The following FAM163A variants were observed in gnomAD, a reference collection of about 807,000 sequenced individuals.
FAM163A encodes the protein protein FAM163A.
Under a neutral mutation model 12.0 loss-of-function variants are expected in FAM163A, and 7 were observed. That is an observed-to-expected ratio of 0.58 (90% confidence interval 0.33 to 1.10). The LOEUF (loss-of-function observed/expected upper bound fraction) is 1.10, where lower values mean the gene tolerates loss of function less well. FAM163A is among the 50% of genes least tolerant of loss of function. The probability of loss-of-function intolerance (pLI) is 0.03; values close to 1 mark genes in which losing one functional copy is unlikely to be tolerated. For missense variants in FAM163A, 202 were observed against 218.6 expected (o/e 0.92, Z 0.48); for synonymous variants, 101 against 91.0 (o/e 1.11, Z -0.62).
At chr1:179,783,588 G>T (rs886228537) in intron 1 of FAM163A, among the ~76,000 whole-genome samples, 2 of 151,302 alleles carry the variant, frequency 1.3e-5, no homozygotes, top group Non-Finnish European at 2.9e-5. Context: ...GAAAAGTGAG[G>T]TATGGAAAGG....
chr1:179,813,677 TTC>T, intron 4 of FAM163A, 100 bp from the exon 5 acceptor site: 1 of 1,361,258 alleles, frequency 7.3e-7, no homozygotes, highest in Non-Finnish European at 1.0e-6. Flanking sequence ...TGGCACTAGG[TTC>T]TCCATGGAGC....
intron 1 of FAM163A, among the ~76,000 whole-genome samples, chr1:179,776,749 G>A (rs900271775): frequency 6.6e-6 from 1 of 152,060 alleles, no homozygotes; most frequent in Admixed American, 6.5e-5. Context: ...TTAATGTATC[G>A]AAGTGAAATT....
chr1:179,743,705 G>A (rs1683990791), intron 1 of FAM163A, among the ~76,000 whole-genome samples: 1 of 152,188 alleles, frequency 6.6e-6, no homozygotes, highest in African/African-American at 2.4e-5. Flanking sequence ...GCGACTCGGG[G>A]GCATCTCCGG....
the FAM163A span, among the ~76,000 whole-genome samples, chr1:179,731,965 CA>C: frequency 6.6e-6 from 1 of 152,158 alleles, no homozygotes; most frequent in African/African-American, 2.4e-5. Context: ...ACTCTATCCC[CA>C]TGTGTAAAAT....
chr1:179,759,695 C>G (rs1443839559), intron 1 of FAM163A, among the ~76,000 whole-genome samples: 1 of 151,782 alleles, frequency 6.6e-6, no homozygotes, highest in Admixed American at 6.6e-5. Context: ...GAGACAGATT[C>G]TCACTCTGTC....
chr1:179,745,410 A>C (rs1684330517), intron 1 of FAM163A, among the ~76,000 whole-genome samples: 1 of 152,192 alleles, frequency 6.6e-6, no homozygotes, highest in African/African-American at 2.4e-5. Context: ...GCCTGAGTGC[A>C]AACATCAGCT....
the FAM163A span, among the ~76,000 whole-genome samples, chr1:179,730,667 A>C: frequency 1.3e-5 from 2 of 152,354 alleles, no homozygotes; most frequent in East Asian, 1.9e-4. Flanking sequence ...CAGAATCTAT[A>C]TATTTTTTGT....
At chr1:179,764,442 A>G (rs1687220958) in intron 1 of FAM163A, among the ~76,000 whole-genome samples, 1 of 152,208 alleles carries the variant, frequency 6.6e-6, no homozygotes. Context: ...CAGGTTGTGC[A>G]ACCTCTCATT....
At chr1:179,729,659 G>A in the FAM163A span, among the ~76,000 whole-genome samples, 1 of 152,152 alleles carries the variant, frequency 6.6e-6, no homozygotes, top group Non-Finnish European at 1.5e-5. Context: ...TAGCATTACT[G>A]CAATTGTCAT....
the FAM163A span, among the ~76,000 whole-genome samples, chr1:179,736,444 A>T: frequency 6.6e-6 from 1 of 152,314 alleles, no homozygotes; most frequent in East Asian, 1.9e-4. Flanking sequence ...CACACTAATC[A>T]TGGGAGAAAT....
intron 1 of FAM163A, 58 bp downstream of exon 1, chr1:179,743,481 G>GCT (rs1683942172): frequency 6.6e-6 from 1 of 151,994 alleles, no homozygotes. Context: ...GGCGGGGCGC[G>GCT]GGCGGGCTGA....
At chr1:179,746,413 T>C (rs1396209690) in intron 1 of FAM163A, among the ~76,000 whole-genome samples, 1 of 152,202 alleles carries the variant, frequency 6.6e-6, no homozygotes, top group Non-Finnish European at 1.5e-5. Flanking sequence ...TCCTATTCAT[T>C]CATGGAAAAA....
chr1:179,765,382 G>A (rs1248620128), intron 1 of FAM163A, among the ~76,000 whole-genome samples: 5 of 152,214 alleles, frequency 3.3e-5, no homozygotes, highest in Admixed American at 1.3e-4. Flanking sequence ...AGATACTGCC[G>A]GTTTGGGACC....
chr1:179,801,102 A>T lies in FAM163A; in HGVS notation c.-135-6696A>T, dbSNP rs80187236. 8.6e-3 allele frequency among the ~76,000 whole-genome samples: 1,309 copies of T among 152,134 alleles called. 12 individuals carry two copies. The highest frequency in any genetic ancestry group is 0.013 in the Non-Finnish European group (873 of 67,992). On this transcript the variant is annotated intron_variant, in intron 1 of 4. Transcript: ENST00000341785. ...TGTGAGTGTCTTCTGTATACTATGGATATGCACCCAGATAGGCACATCTGG... is the reference window on the plus strand; with the variant it reads ...TGTGAGTGTCTTCTGTATACTATGGTTATGCACCCAGATAGGCACATCTGG...
chr1:179,813,908 A>G lies in FAM163A; in HGVS notation c.223A>G (p.Ser75Gly), dbSNP rs776528718. The G allele has an allele frequency of 3.7e-6, 6 of 1,613,884 alleles. No homozygotes were observed. In the Admixed American group the frequency reaches 1.0e-4, roughly 27 times the overall value. ...CTCCCAAGCCCTGGACGGCAGAGGC[A>G]GCCTGGCGCCTCTCACCAGCGAGCC... ...CSSQALDGRG[S>G]LAPLTSEPCS... is the part of the protein sequence containing the mutation. Residue 75 changes from serine (S) to glycine (G), a missense_variant, in exon 5 of 5, where the codon AGC becomes GGC. Coordinates refer to ENST00000341785, the MANE Select transcript of FAM163A (RefSeq NM_173509.3).
intron 1 of FAM163A, among the ~76,000 whole-genome samples, chr1:179,794,010 C>T (rs983013417): frequency 2.6e-5 from 4 of 152,232 alleles, no homozygotes; most frequent in Non-Finnish European, 4.4e-5. Flanking sequence ...CAGCACCAGT[C>T]CCTTACAGCT....
intron 1 of FAM163A, among the ~76,000 whole-genome samples, chr1:179,749,538 G>T (rs1158090336): frequency 6.6e-6 from 1 of 152,300 alleles, no homozygotes; most frequent in Non-Finnish European, 1.5e-5. Context: ...AGAATACCAT[G>T]AATTATTCAT....
chr1:179,803,049 T>A (rs554746673), intron 1 of FAM163A, among the ~76,000 whole-genome samples: 52 of 152,258 alleles, frequency 3.4e-4, no homozygotes, highest in African/African-American at 1.1e-3. Context: ...GTCAGGACTT[T>A]GTAATGGGCA....
chr1:179,755,457 T>C (rs10913878), intron 1 of FAM163A, among the ~76,000 whole-genome samples: 36,180 of 152,030 alleles, frequency 0.24, 4,960 homozygotes, highest in East Asian at 0.63. Flanking sequence ...TCTTTGTGCA[T>C]GTTGAAACTT....
Sources: allele counts gnomAD v4.1 joint callset (sites outside exome capture counted in the v4.1 genomes callset), GRCh38; gene constraint gnomAD v4.1.1; transcripts MANE v1.5; gene names NCBI Gene and HGNC (gene_info 2026-07-23, HGNC 2026-07-21).